GPLD1: variants seen among roughly 807,000 people sequenced by gnomAD.
GPLD1 encodes glycosylphosphatidylinositol specific phospholipase D1, also known as phosphatidylinositol-glycan-specific phospholipase D.
Under a neutral mutation model 112.6 loss-of-function variants are expected in GPLD1, and 84 were observed. The observed-to-expected ratio is 0.75, with a 90% CI of 0.63 to 0.89. The LOEUF (loss-of-function observed/expected upper bound fraction) is 0.89. GPLD1 is among the 40% of genes least tolerant of loss of function. The pLI is 0.00. For missense variants in GPLD1, 1,044 were observed against 1,051.5 expected (o/e 0.99, Z 0.10); for synonymous variants, 386 against 403.8 (o/e 0.96, Z 0.53).
At chr6:24,458,482 A>G (rs1763333813) in intron 12 of GPLD1, among the ~76,000 whole-genome samples, 1 of 151,044 alleles carries the variant, frequency 6.6e-6, no homozygotes, top group South Asian at 2.1e-4. Context: ...ATATGGCAAG[A>G]CAAAATGACA....
chr6:24,444,703 A>G (rs912173489), intron 20 of GPLD1, among the ~76,000 whole-genome samples: 2 of 152,120 alleles, frequency 1.3e-5, no homozygotes, highest in Non-Finnish European at 2.9e-5. Context: ...ATAAAAAATT[A>G]GATAATGTGG....
chr6:24,454,146 C>T lies in GPLD1; in HGVS notation c.1204G>A (p.Ala402Thr), dbSNP rs1476545243. The T allele has an allele frequency of 5.0e-6, 8 of 1,613,794 alleles. No individual in the cohort carries two copies. Among genetic ancestry groups the T allele is most frequent in the East Asian group, 2.2e-5 (1 of 44,868 alleles). ...QDGHGDLVVG[A>T]PGYSRPGHIH... ...TGGCCGGGGCGGCTGTAGCCTGGTG[C>T]GCCCACCACGAGGTCACCGTGCCCA... The change falls in exon 14 of 25, where the codon GCA becomes ACA. Residue 402 changes from alanine to threonine, a missense_variant. Ala to Thr is a moderately conservative substitution (Grantham distance 58). Coordinates refer to ENST00000230036, the MANE Select transcript of GPLD1 (RefSeq NM_001503.4).
chr6:24,475,735 G>A (rs1293201511), intron 4 of GPLD1, among the ~76,000 whole-genome samples: 1 of 150,828 alleles, frequency 6.6e-6, no homozygotes, highest in Non-Finnish European at 1.5e-5. Context: ...GCGGGCGCCT[G>A]TAGTCCCAGT....
intron 2 of GPLD1, among the ~76,000 whole-genome samples, chr6:24,485,418 T>TG (rs1224839530): frequency 2.0e-5 from 3 of 152,158 alleles, no homozygotes; most frequent in African/African-American, 7.2e-5. Flanking sequence ...GCACATATAC[T>TG]AATATTGGAA....
chr6:24,439,182 A>C (rs1233015090), intron 20 of GPLD1, among the ~76,000 whole-genome samples: 4 of 146,634 alleles, frequency 2.7e-5, no homozygotes, highest in Non-Finnish European at 6.1e-5. Flanking sequence ...TCCCTGCTTC[A>C]GTCCTTCCAT....
chr6:24,434,223 C>T (rs1388339000), intron 22 of GPLD1, among the ~76,000 whole-genome samples: 3 of 151,780 alleles, frequency 2.0e-5, no homozygotes, highest in Non-Finnish European at 4.4e-5. Context: ...CGTGGTGAAA[C>T]CCCGTCTCTA....
chr6:24,439,279 G>A (rs545880043), intron 20 of GPLD1, among the ~76,000 whole-genome samples: 2 of 152,148 alleles, frequency 1.3e-5, no homozygotes, highest in East Asian at 3.9e-4. Context: ...GAATCTCAGA[G>A]AAGTCACCCC....
At chr6:24,441,412 A>T (rs527848182) in intron 20 of GPLD1, among the ~76,000 whole-genome samples, 2 of 152,304 alleles carry the variant, frequency 1.3e-5, no homozygotes, top group Non-Finnish European at 1.5e-5. Flanking sequence ...GAACTGGCAA[A>T]GATGCTGTAG....
At position 24,475,169 on chromosome 6, in the gene GPLD1, G is replaced by A. The variant is rs772139441; in HGVS notation, c.393C>T (p.Ser131=). 6.2e-7 allele frequency: 1 copy of A among 1,612,476 alleles called. No homozygotes were observed. Among genetic ancestry groups the A allele is most frequent in the Non-Finnish European group, 8.5e-7 (1 of 1,178,502 alleles). The change falls in exon 5 of 25, where the codon AGC becomes AGT. Residue 131 remains serine (S), a synonymous_variant. Coordinates refer to ENST00000230036, the MANE Select transcript of GPLD1 (RefSeq NM_001503.4). ...CTTGTTCAAGGCCCAGACTATGCCA[G>A]CTGACATCTGCCGCCATGTGAGAAG... ...GITSHMAADV[S]WHSLGLEQGF... is the part of the protein sequence containing the mutation.
chr6:24,462,846 T>C (rs1295007472), intron 10 of GPLD1, 51 bp from the exon 11 acceptor site: 1 of 1,313,764 alleles, frequency 7.6e-7, no homozygotes, highest in African/African-American at 1.4e-5. Context: ...TTCACAAGCA[T>C]GAATTTTACC....
At chr6:24,436,827 T>A in intron 21 of GPLD1, 91 bp from the exon 22 acceptor site, 1 of 1,257,302 alleles carries the variant, frequency 8.0e-7, no homozygotes, top group South Asian at 1.4e-5. Context: ...CCCAACCTCT[T>A]ACAAATAATA....
intron 4 of GPLD1, among the ~76,000 whole-genome samples, chr6:24,475,553 ACC>A (rs1763982486): frequency 7.7e-6 from 1 of 130,506 alleles, no homozygotes; most frequent in African/African-American, 2.8e-5. Flanking sequence ...AAAAAAAAAA[ACC>A]ACACACAGGC....
At chr6:24,480,098 G>T (rs1285340327) in intron 2 of GPLD1, 139 bp from the exon 3 acceptor site, 2 of 590,626 alleles carry the variant, frequency 3.4e-6, no homozygotes, top group Non-Finnish European at 6.1e-6. Context: ...AGGAAAGCAG[G>T]CATAAAGTAA....
In GPLD1 at chr6:24,467,149, C is replaced by T. The variant is rs1189584719; in HGVS notation, c.653+18G>A. 3 of 1,374,012 alleles carry T rather than the reference C, an allele frequency of 2.2e-6. No homozygotes were observed. The highest frequency in any genetic ancestry group is 3.1e-6 in the Non-Finnish European group (3 of 961,546). 85.1% of individuals were successfully genotyped at this position (1,374,012 alleles called of 1,614,324 possible). A position where few individuals can be genotyped will look rare whatever the true frequency, so the allele number is the denominator to read the frequency against. The stretch of plus-strand genomic sequence containing the variant: ...CACAACAAAATCAGCTGCAAATTGT[C>T]CTCTGAGTTACGCTTACATTTCTAA... On this transcript the variant is annotated intron_variant, in intron 8 of 24. Coordinates refer to ENST00000230036, the MANE Select transcript of GPLD1 (RefSeq NM_001503.4).
intron 1 of GPLD1, among the ~76,000 whole-genome samples, chr6:24,486,365 T>C (rs1489772716): frequency 6.6e-6 from 1 of 152,248 alleles, no homozygotes; most frequent in East Asian, 1.9e-4. Context: ...TGCTTAACTA[T>C]TAAATAACTC....
intron 3 of GPLD1, among the ~76,000 whole-genome samples, chr6:24,478,468 G>A (rs902432071): frequency 4.7e-5 from 7 of 149,572 alleles, no homozygotes; most frequent in Non-Finnish European, 4.4e-5. Flanking sequence ...CCCAGAAGCA[G>A]TTTATACAAG....
At chr6:24,431,697 G>A (rs1246355587) in intron 24 of GPLD1, among the ~76,000 whole-genome samples, 1 of 151,860 alleles carries the variant, frequency 6.6e-6, no homozygotes, top group Non-Finnish European at 1.5e-5. Flanking sequence ...ACCACGCCGG[G>A]CTATTTTTTG....
At chr6:24,444,660 G>A (rs1266476329) in intron 20 of GPLD1, among the ~76,000 whole-genome samples, 3 of 152,018 alleles carry the variant, frequency 2.0e-5, no homozygotes, top group Non-Finnish European at 4.4e-5. Context: ...AGACCAGTCT[G>A]GCCAACATGT....
Position 24,448,218 on chromosome 6 carries a change from G to C in GPLD1, c.1447-10C>G, listed in dbSNP as rs1487993395. The C allele has an allele frequency of 2.5e-6, 4 of 1,586,232 alleles. No homozygotes were observed. Among genetic ancestry groups the C allele is most frequent in the Non-Finnish European group, 3.5e-6 (4 of 1,158,944 alleles). ...AGACATACACGGCACCCTAGATAAG[G>C]ACAAACAGCAGATAGACATGAGGCT... On this transcript the variant is annotated splice_polypyrimidine_tract_variant and intron_variant, in intron 15 of 24. Coordinates refer to ENST00000230036, the MANE Select transcript of GPLD1 (RefSeq NM_001503.4).
Sources: gnomAD v4.1 joint callset for allele counts (sites outside exome capture counted in the v4.1 genomes callset) on GRCh38, gnomAD v4.1.1 for gene constraint, MANE v1.5 for transcripts, NCBI Gene and HGNC (gene_info 2026-07-23, HGNC 2026-07-21) for gene names.